The following PTPRD variants were observed in gnomAD, a reference collection of about 807,000 sequenced individuals.
PTPRD encodes the protein receptor-type tyrosine-protein phosphatase delta.
In PTPRD, 34 loss-of-function variants were observed where a neutral mutation model predicts 214.5. The observed-to-expected ratio is 0.16, with a 90% CI of 0.12 to 0.21. PTPRD has a LOEUF of 0.21. Ranked by LOEUF, PTPRD falls within the 10% of genes least tolerant of loss-of-function variation. The pLI, the probability that PTPRD is intolerant of heterozygous loss-of-function variation, is 1.00. For missense variants in PTPRD, 2,545 were observed against 2,398.7 expected (o/e 1.06, Z -1.27); for synonymous variants, 1,128 against 845.7 (o/e 1.33, Z -5.79).
intron 4 of PTPRD, among the ~76,000 whole-genome samples, chr9:9,957,425 C>T (rs568284363): frequency 6.6e-6 from 1 of 151,996 alleles, no homozygotes; most frequent in South Asian, 2.1e-4. Context: ...AAGGAAAAAA[C>T]AGATAAACAA....
intron 44 of PTPRD, among the ~76,000 whole-genome samples, chr9:8,329,496 G>A (rs1383123434): frequency 6.6e-6 from 1 of 152,106 alleles, no homozygotes; most frequent in South Asian, 2.1e-4. Context: ...TGGGGGTCAG[G>A]GACCCACTTG....
intron 5 of PTPRD, among the ~76,000 whole-genome samples, chr9:9,787,420 TAAAAA>T (rs34947415): frequency 7.6e-6 from 1 of 131,430 alleles, no homozygotes. Context: ...GTCAACTATG[TAAAAA>T]AAAAAAAAAA....
intron 14 of PTPRD, among the ~76,000 whole-genome samples, chr9:8,587,179 C>A (rs1005468945): frequency 1.3e-5 from 2 of 151,976 alleles, no homozygotes; most frequent in African/African-American, 4.8e-5. Context: ...ACAAAAAGAA[C>A]GGAAGCCTAG....
chr9:10,213,496 A>G (rs2099526365), intron 3 of PTPRD, among the ~76,000 whole-genome samples: 2 of 152,130 alleles, frequency 1.3e-5, no homozygotes, highest in African/African-American at 2.4e-5. Flanking sequence ...GGAATAACCA[A>G]GAATGGGGAA....
chr9:10,593,282 G>A (rs1280103274), intron 2 of PTPRD, among the ~76,000 whole-genome samples: 1 of 151,912 alleles, frequency 6.6e-6, no homozygotes, highest in Non-Finnish European at 1.5e-5. Flanking sequence ...TTTCGAACAA[G>A]CTCCCAGGAG....
At chr9:10,000,190 T>C (rs962532825) in intron 4 of PTPRD, among the ~76,000 whole-genome samples, 6 of 152,180 alleles carry the variant, frequency 3.9e-5, no homozygotes, top group Admixed American at 6.5e-5. Context: ...TATATTAATG[T>C]TTCTGGTAAT....
At chr9:8,988,963 T>G (rs1036955490) in intron 11 of PTPRD, among the ~76,000 whole-genome samples, 1 of 152,094 alleles carries the variant, frequency 6.6e-6, no homozygotes, top group African/African-American at 2.4e-5. Flanking sequence ...CAGTTTATTC[T>G]TTACTATACA....
chr9:10,090,827 T>C (rs1371735045), intron 3 of PTPRD, among the ~76,000 whole-genome samples: 16 of 148,774 alleles, frequency 1.1e-4, no homozygotes, highest in Admixed American at 1.0e-3. Context: ...CTATAAAATA[T>C]TAGTGTATCA....
intron 8 of PTPRD, among the ~76,000 whole-genome samples, chr9:9,569,396 A>T (rs954358646): frequency 2.0e-5 from 3 of 151,798 alleles, no homozygotes; most frequent in African/African-American, 7.2e-5. Flanking sequence ...TCATGTGATA[A>T]CAGTGGCAGT....
At chr9:9,819,453 C>T (rs1176663250) in intron 5 of PTPRD, among the ~76,000 whole-genome samples, 6 of 152,176 alleles carry the variant, frequency 3.9e-5, no homozygotes, top group Admixed American at 3.9e-4. Context: ...TTAATTTCTA[C>T]TGCATATATT....
At chr9:10,042,581 G>T (rs111250225) in intron 3 of PTPRD, among the ~76,000 whole-genome samples, 1 of 151,846 alleles carries the variant, frequency 6.6e-6, no homozygotes, top group Non-Finnish European at 1.5e-5. Context: ...AGAGCTACTA[G>T]CAGGACTACT....
chr9:8,741,395 A>G (rs911243612), intron 11 of PTPRD, among the ~76,000 whole-genome samples: 1 of 152,100 alleles, frequency 6.6e-6, no homozygotes, highest in East Asian at 1.9e-4. Flanking sequence ...AACGGTTAAA[A>G]TACAAGTCTA....
At chr9:8,746,000 C>T (rs1384876094) in intron 11 of PTPRD, among the ~76,000 whole-genome samples, 1 of 152,144 alleles carries the variant, frequency 6.6e-6, no homozygotes, top group East Asian at 1.9e-4. Flanking sequence ...GCTATGTTGC[C>T]CAGACTGGTC....
chr9:9,613,046 G>C (rs2094600565), intron 7 of PTPRD, among the ~76,000 whole-genome samples: 1 of 146,960 alleles, frequency 6.8e-6, no homozygotes, highest in Non-Finnish European at 1.5e-5. Context: ...TGGGGCCTAA[G>C]CTTCGCCTTC....
Position 9,615,554 on chromosome 9 carries a change from A to T in PTPRD, c.-286-40773T>A, listed in dbSNP as rs567552277. The stretch of plus-strand genomic sequence containing the variant: ...TCTATCTTATAGCTACATTTACCAT[A>T]GTTTGTTTGTTTGTTTGTTCATTAA... On this transcript the variant is annotated intron_variant, in intron 7 of 45. Coordinates refer to ENST00000381196, the MANE Select transcript of PTPRD (RefSeq NM_002839.4). Among the ~76,000 whole-genome samples, 33 of 152,100 alleles carry T rather than the reference A, an allele frequency of 2.2e-4. No homozygotes were observed. The Middle Eastern group carries it at 0.02, about 94-fold the overall frequency.
At chr9:8,752,321 C>G (rs1174282280) in intron 11 of PTPRD, among the ~76,000 whole-genome samples, 1 of 152,126 alleles carries the variant, frequency 6.6e-6, no homozygotes, top group Non-Finnish European at 1.5e-5. Flanking sequence ...GTCCTCACTG[C>G]TACACTTTCA....
At chr9:8,961,395 T>A (rs2099158055) in intron 11 of PTPRD, among the ~76,000 whole-genome samples, 1 of 152,098 alleles carries the variant, frequency 6.6e-6, no homozygotes, top group Non-Finnish European at 1.5e-5. Context: ...TTGCAGAACA[T>A]GTTGGGAAAT....
chr9:9,740,242 T>C (rs932518978), intron 6 of PTPRD, among the ~76,000 whole-genome samples: 3 of 152,220 alleles, frequency 2.0e-5, no homozygotes, highest in Non-Finnish European at 4.4e-5. Flanking sequence ...CCCTATAAGC[T>C]ACATCATTTT....
rs368424604 is a variant in PTPRD, at chr9:8,317,957, G to C, written c.5671-15C>G. ...TGATATTGATCCTGCAGGAGACAAT[G>C]AATGGGGAGAAGCAAAAGAAGGGAC... On this transcript the variant is annotated splice_polypyrimidine_tract_variant and intron_variant, in intron 45 of 45. Coordinates refer to ENST00000381196, the MANE Select transcript of PTPRD (RefSeq NM_002839.4). The C allele has an allele frequency of 6.2e-7, 1 of 1,609,044 alleles. No homozygotes were observed. Among genetic ancestry groups the C allele is most frequent in the African/African-American group, 1.3e-5 (1 of 74,712 alleles).
Sources: allele counts gnomAD v4.1 joint callset (sites outside exome capture counted in the v4.1 genomes callset), GRCh38; gene constraint gnomAD v4.1.1; transcripts MANE v1.5; gene names NCBI Gene and HGNC (gene_info 2026-07-23, HGNC 2026-07-21).